Variants in RASEF observed in about 807,000 individuals in gnomAD.
The protein encoded by RASEF is RAS and EF-hand domain containing.
A neutral mutation model predicts 90.1 loss-of-function variants in RASEF; 68 were observed. That is an observed-to-expected ratio of 0.75 (90% CI 0.62 to 0.92). RASEF has a LOEUF of 0.92. Ranked by LOEUF, RASEF falls within the 40% of genes least tolerant of loss-of-function variation. The pLI is 0.00. For synonymous variants in RASEF, 331 were observed against 345.2 expected (o/e 0.96, Z 0.46); for missense variants, 949 against 937.2 (o/e 1.01, Z -0.16).
At chr9:83,129,018 A>G in the RASEF span, among the ~76,000 whole-genome samples, 1 of 152,248 alleles carries the variant, frequency 6.6e-6, no homozygotes, top group Admixed American at 6.5e-5. Context: ...TTTTATCCCC[A>G]TATAGGTCAG....
the RASEF span, among the ~76,000 whole-genome samples, chr9:83,074,412 G>GA: frequency 0.052 from 7,953 of 152,220 alleles, 303 homozygotes; most frequent in Middle Eastern, 0.068. Context: ...TGTGTTTAGT[G>GA]AGGGGATGTT....
the RASEF span, among the ~76,000 whole-genome samples, chr9:83,075,554 C>T: frequency 6.6e-6 from 1 of 152,110 alleles, no homozygotes; most frequent in African/African-American, 2.4e-5. Flanking sequence ...AGCTAATATT[C>T]TAACTAAAGA....
chr9:83,118,286 A>G, the RASEF span, among the ~76,000 whole-genome samples: 1 of 152,120 alleles, frequency 6.6e-6, no homozygotes, highest in African/African-American at 2.4e-5. Flanking sequence ...AAAAAGTTAT[A>G]TCACAGTAAT....
the RASEF span, among the ~76,000 whole-genome samples, chr9:83,089,148 TTTAATA>T: frequency 3.5e-3 from 532 of 152,158 alleles, 4 homozygotes; most frequent in African/African-American, 0.012. Flanking sequence ...TTAATACCAA[TTTAATA>T]TTAATAGTAT....
the RASEF span, among the ~76,000 whole-genome samples, chr9:83,077,627 C>A: frequency 2.6e-5 from 4 of 152,178 alleles, no homozygotes; most frequent in Middle Eastern, 3.4e-3. Context: ...TCTAAAGACA[C>A]CTGAGTTTCA....
chr9:83,161,296 G>A, the RASEF span, among the ~76,000 whole-genome samples: 2 of 152,200 alleles, frequency 1.3e-5, no homozygotes, highest in Non-Finnish European at 2.9e-5. Context: ...GGGCAAAGCT[G>A]CCTGAGACCA....
the RASEF span, among the ~76,000 whole-genome samples, chr9:83,178,824 T>G: frequency 2.0e-5 from 3 of 152,192 alleles, no homozygotes; most frequent in Non-Finnish European, 4.4e-5. Flanking sequence ...TTTTTAGAAA[T>G]GGGTTTCCTT....
chr9:83,116,511 A>T, the RASEF span, among the ~76,000 whole-genome samples: 1 of 151,232 alleles, frequency 6.6e-6, no homozygotes, highest in African/African-American at 2.5e-5. Context: ...AATGAACAGT[A>T]TGAGCTACAG....
chr9:83,203,539 G>A, the RASEF span, among the ~76,000 whole-genome samples: 2 of 152,134 alleles, frequency 1.3e-5, no homozygotes, highest in Non-Finnish European at 2.9e-5. Flanking sequence ...GCCACCCAAA[G>A]TGCTGGGATT....
At chr9:82,995,834 C>A (rs989730101) in intron 14 of RASEF, among the ~76,000 whole-genome samples, 43 of 152,218 alleles carry the variant, frequency 2.8e-4, no homozygotes, top group African/African-American at 1.0e-3. Context: ...GGTTTGAGCC[C>A]CTATTCTATT....
chr9:83,180,355 G>A, the RASEF span, among the ~76,000 whole-genome samples: 1 of 152,128 alleles, frequency 6.6e-6, no homozygotes, highest in Non-Finnish European at 1.5e-5. Context: ...TATGGTAAAA[G>A]AGTAACCAAC....
chr9:83,033,644 C>T (rs535319505), intron 1 of RASEF, among the ~76,000 whole-genome samples: 82 of 152,200 alleles, frequency 5.4e-4, no homozygotes, highest in Non-Finnish European at 7.9e-4. Context: ...ATGACATGAT[C>T]GAGTTTGCAT....
the RASEF span, among the ~76,000 whole-genome samples, chr9:83,082,906 G>T: frequency 1.3e-5 from 2 of 152,176 alleles, no homozygotes; most frequent in East Asian, 3.8e-4. Context: ...GTAGAAGGTT[G>T]TCAGTCTGAT....
At chr9:83,103,684 A>G in the RASEF span, among the ~76,000 whole-genome samples, 1 of 152,224 alleles carries the variant, frequency 6.6e-6, no homozygotes, top group Admixed American at 6.5e-5. Context: ...AATTACTATT[A>G]TATAAAAACC....
chr9:82,996,883 A>G (rs1246495167), intron 14 of RASEF, 129 bp downstream of exon 14: 4 of 627,266 alleles, frequency 6.4e-6, no homozygotes, highest in African/African-American at 5.5e-5. Flanking sequence ...GTAGCATCCA[A>G]TTCTTCCTGA....
chr9:83,195,341 G>T, the RASEF span, among the ~76,000 whole-genome samples: 2 of 152,180 alleles, frequency 1.3e-5, no homozygotes, highest in Non-Finnish European at 2.9e-5. Flanking sequence ...TGACAGAAGA[G>T]CAGGGGCAAT....
the RASEF span, among the ~76,000 whole-genome samples, chr9:83,147,163 C>G: frequency 6.6e-6 from 1 of 151,566 alleles, no homozygotes; most frequent in African/African-American, 2.4e-5. Context: ...AATTATGTAA[C>G]AGAAAGCATT....
At chr9:83,159,813 T>A in the RASEF span, among the ~76,000 whole-genome samples, 18 of 152,216 alleles carry the variant, frequency 1.2e-4, no homozygotes, top group Non-Finnish European at 2.1e-4. Flanking sequence ...GAATTGTAAC[T>A]CCCTCGTTCC....
chr9:83,187,326 C>T, the RASEF span, among the ~76,000 whole-genome samples: 1 of 152,102 alleles, frequency 6.6e-6, no homozygotes, highest in African/African-American at 2.4e-5. Context: ...TCTGCCATCA[C>T]ATAAAAAAAA....
Sources: gnomAD v4.1 joint callset for allele counts (sites outside exome capture counted in the v4.1 genomes callset) on GRCh38, gnomAD v4.1.1 for gene constraint, MANE v1.5 for transcripts, NCBI Gene and HGNC (gene_info 2026-07-23, HGNC 2026-07-21) for gene names.